NCOA2: variants seen among roughly 807,000 people sequenced by gnomAD.
NCOA2 encodes the protein nuclear receptor coactivator 2.
Under a neutral mutation model 145.1 loss-of-function variants are expected in NCOA2, and 21 were observed. That is an observed-to-expected ratio of 0.14 (90% CI 0.10 to 0.21). NCOA2 has a LOEUF of 0.21. Among genes scored for constraint, NCOA2 ranks in the 10% least tolerant of loss-of-function variants. NCOA2 has a pLI of 1.00. For synonymous variants in NCOA2, 619 were observed against 637.5 expected (o/e 0.97, Z 0.44); for missense variants, 1,472 against 1,837.6 (o/e 0.80, Z 3.64).
At chr8:70,238,161 C>T (rs532261779) in intron 2 of NCOA2, among the ~76,000 whole-genome samples, 35 of 151,990 alleles carry the variant, frequency 2.3e-4, no homozygotes, top group African/African-American at 6.0e-4. Flanking sequence ...CGCGCGCGCG[C>T]GCGTGTGTGT....
chr8:70,379,902 T>C (rs1188634604), intron 1 of NCOA2, among the ~76,000 whole-genome samples: 1 of 152,184 alleles, frequency 6.6e-6, no homozygotes, highest in Non-Finnish European at 1.5e-5. Context: ...TGGCTGATTA[T>C]AAACTGAAAT....
chr8:70,314,180 C>CAAAAAAAAAAAAAAAAA lies in NCOA2; in HGVS notation c.-76-17397_-76-17381dup, dbSNP rs61028027. On this transcript the variant is annotated intron_variant, in intron 1 of 22. Transcript: ENST00000452400. ...GGGCGACAGAGCAAGACTCTGACTC[C>CAAAAAAAAAAAAAAAAA]AAAAAAAAAAAAAAAAAAAAAAAAA... Among the ~76,000 whole-genome samples, 15 of 17,200 alleles carry CAAAAAAAAAAAAAAAAA rather than the reference C, an allele frequency of 8.7e-4. 2 individuals carry two copies. The highest frequency in any genetic ancestry group is 4.1e-3 in the East Asian group (1 of 244). The allele number at this position is 17,200 out of a possible 152,430, so 11.3% of individuals were successfully genotyped here.
chr8:70,405,437 G>GTTTTTTTTTTTTTTTTTTTTTTTT (rs34814735), upstream of NCOA2, among the ~76,000 whole-genome samples: 5 of 59,388 alleles, frequency 8.4e-5, 1 homozygote, highest in African/African-American at 2.2e-4. Flanking sequence ...ATTTTTAAAG[G>GTTTTTTTTTTTTTTTTTTTTTTTT]TTTTTTTTTT....
At chr8:70,451,268 C>T in the NCOA2 span, among the ~76,000 whole-genome samples, 1 of 136,114 alleles carries the variant, frequency 7.3e-6, no homozygotes. Context: ...ATTAGCCAGG[C>T]ATGGCAGCAC....
intron 2 of NCOA2, among the ~76,000 whole-genome samples, chr8:70,294,660 T>C (rs79675066): frequency 0.031 from 4,727 of 152,240 alleles, 125 homozygotes; most frequent in South Asian, 0.08. Context: ...TGTACTACAA[T>C]TGTTGTCACA....
At chr8:70,388,469 T>C (rs976454000) in intron 1 of NCOA2, among the ~76,000 whole-genome samples, 2 of 152,198 alleles carry the variant, frequency 1.3e-5, no homozygotes, top group Non-Finnish European at 2.9e-5. Flanking sequence ...AAAATGCAGT[T>C]TGCTCACGTA....
At chr8:70,209,421 G>C (rs1818791370) in intron 4 of NCOA2, among the ~76,000 whole-genome samples, 1 of 152,226 alleles carries the variant, frequency 6.6e-6, no homozygotes, top group Non-Finnish European at 1.5e-5. Flanking sequence ...AACAGGGTTT[G>C]AGAGGACTGA....
intron 4 of NCOA2, among the ~76,000 whole-genome samples, chr8:70,194,480 C>T (rs953668771): frequency 1.3e-5 from 2 of 152,074 alleles, no homozygotes; most frequent in African/African-American, 2.4e-5. Flanking sequence ...GAGGTTACAT[C>T]GCACAAGTGA....
At chr8:70,236,596 C>T (rs759792538) in intron 2 of NCOA2, among the ~76,000 whole-genome samples, 6 of 152,118 alleles carry the variant, frequency 3.9e-5, no homozygotes, top group South Asian at 2.1e-4. Context: ...GTCTTCTAAA[C>T]GCCTATACAG....
At chr8:70,283,252 G>GA (rs1199270563) in intron 2 of NCOA2, among the ~76,000 whole-genome samples, 1 of 152,212 alleles carries the variant, frequency 6.6e-6, no homozygotes, top group Non-Finnish European at 1.5e-5. Flanking sequence ...CGATAGGTGC[G>GA]ACTAGTTGTT....
intron 2 of NCOA2, among the ~76,000 whole-genome samples, chr8:70,259,524 G>A (rs1823935276): frequency 6.6e-6 from 1 of 151,984 alleles, no homozygotes; most frequent in African/African-American, 2.4e-5. Flanking sequence ...TTTTATTCCA[G>A]AGAATCATAA....
Position 70,156,927 on chromosome 8 carries a change from C to T in NCOA2, c.1438G>A (p.Gly480Arg). 1 of 1,614,024 alleles carries T rather than the reference C, an allele frequency of 6.2e-7. No homozygotes were observed. ...GGTGAAAGCATGGAGGTGGGCTGTC[C>T]TGGATTCATGCCAGGGCTGCTTTGT... ...PSQSSPGMNPGQPTSMLSPRH... is the reference protein window; with the variant it reads ...PSQSSPGMNPRQPTSMLSPRH... Residue 480 changes from glycine (G) to arginine (R), a missense_variant, in exon 11 of 23, where the codon GGA (glycine) becomes AGA (arginine). Physicochemically the swap from Gly to Arg is moderately radical, Grantham distance 125. This residue lies in a region of NCOA2 where 953 missense variants were observed against 1,062.1 expected (regional missense o/e 0.90). Coordinates refer to ENST00000452400, the MANE Select transcript of NCOA2 (RefSeq NM_006540.4).
chr8:70,362,988 G>A (rs181890700), intron 1 of NCOA2, among the ~76,000 whole-genome samples: 302 of 150,996 alleles, frequency 2.0e-3, no homozygotes, highest in African/African-American at 7.1e-3. Flanking sequence ...TGAGGTGGGA[G>A]GATCACCTGA....
intron 1 of NCOA2, among the ~76,000 whole-genome samples, chr8:70,390,025 G>A (rs1179558700): frequency 6.6e-6 from 1 of 152,168 alleles, no homozygotes; most frequent in African/African-American, 2.4e-5. Flanking sequence ...ATTATTTCAA[G>A]TTCATAGTCA....
chr8:70,253,378 C>G lies in NCOA2; in HGVS notation c.-19-36614G>C, dbSNP rs77001492. 5.4e-3 allele frequency among the ~76,000 whole-genome samples: 824 copies of G among 152,110 alleles called. 5 individuals are homozygous for G. The highest frequency in any genetic ancestry group is 0.019 in the African/African-American group (784 of 41,482). On this transcript the variant is annotated intron_variant, in intron 2 of 22. Transcript: ENST00000452400. ...TCTCCAGAACAAAATCCCTGCCCTC[C>G]AGGGACTCATAATCAAAGAGGGAAA...
At chr8:70,308,119 T>TA (rs1263908559) in intron 1 of NCOA2, among the ~76,000 whole-genome samples, 57 of 152,268 alleles carry the variant, frequency 3.7e-4, no homozygotes, top group African/African-American at 1.3e-3. Context: ...CTCTGAACTG[T>TA]AACTAAAGAA....
the NCOA2 span, among the ~76,000 whole-genome samples, chr8:70,437,728 A>G: frequency 6.6e-6 from 1 of 152,120 alleles, no homozygotes; most frequent in African/African-American, 2.4e-5. Flanking sequence ...TTTTGCCTGT[A>G]AGCATCAGTG....
intron 2 of NCOA2, among the ~76,000 whole-genome samples, chr8:70,238,086 G>A (rs1439826456): frequency 6.6e-6 from 1 of 152,108 alleles, no homozygotes; most frequent in Non-Finnish European, 1.5e-5. Context: ...GAGATTCCAT[G>A]TTGCTCCAGA....
intron 1 of NCOA2, among the ~76,000 whole-genome samples, chr8:70,341,098 G>C (rs200286662): frequency 9.7e-6 from 1 of 103,280 alleles, no homozygotes. Flanking sequence ...AAAAAAAAAA[G>C]AAACAAATAG....
Sources: allele counts gnomAD v4.1 joint callset (sites outside exome capture counted in the v4.1 genomes callset), GRCh38; gene constraint gnomAD v4.1.1; regional missense constraint gnomAD v4.1.1; transcripts MANE v1.5; gene names NCBI Gene and HGNC (gene_info 2026-07-23, HGNC 2026-07-21).